The following APBB2 variants were observed in gnomAD, a reference collection of about 807,000 sequenced individuals.
APBB2 encodes Fe65-like 1.
APBB2 carries 38 observed loss-of-function variants against 82.5 expected under a neutral mutation model. That is an observed-to-expected ratio of 0.46 (90% CI 0.36 to 0.60). The LOEUF (loss-of-function observed/expected upper bound fraction) is 0.60. Ranked by LOEUF, APBB2 falls within the 20% of genes least tolerant of loss-of-function variation. The pLI is 0.00. For synonymous variants in APBB2, 341 were observed against 368.2 expected, an observed-to-expected ratio of 0.93 and a Z score of 0.85; for missense variants, 772 against 972.3, an observed-to-expected ratio of 0.79 and a Z score of 2.74.
intron 2 of APBB2, among the ~76,000 whole-genome samples, chr4:41,107,986 T>C (rs1274801770): frequency 2.0e-5 from 3 of 152,222 alleles, no homozygotes; most frequent in Non-Finnish European, 4.4e-5. Context: ...TCAAGTATTA[T>C]TTATATATCA....
chr4:40,914,197 T>C lies in APBB2; in HGVS notation c.1254+20259A>G, dbSNP rs932787096. On this transcript the variant is annotated intron_variant, in intron 10 of 17. Transcript: ENST00000508593. ...CATCCTGGCTAACACGGTGAAACCC[T>C]GTCTCTACTAAAAATACAAAAAAAA... is the stretch of plus-strand genomic sequence containing the variant. Among the ~76,000 whole-genome samples the C allele has an allele frequency of 8.5e-5, 13 of 152,070 alleles. 1 individual carries two copies. Among genetic ancestry groups the C allele is most frequent in the Admixed American group, 3.3e-4 (5 of 15,262 alleles).
At chr4:41,105,610 C>T (rs1240016842) in intron 2 of APBB2, among the ~76,000 whole-genome samples, 1 of 152,138 alleles carries the variant, frequency 6.6e-6, no homozygotes, top group Non-Finnish European at 1.5e-5. Context: ...ATTGGCCAGG[C>T]GCAGTGGCTC....
chr4:40,928,387 A>AC (rs1783181331), intron 10 of APBB2, among the ~76,000 whole-genome samples: 18 of 112,802 alleles, frequency 1.6e-4, no homozygotes, highest in Non-Finnish European at 1.4e-4. Context: ...TACTAAAGAA[A>AC]ACACACACAC....
intron 3 of APBB2, among the ~76,000 whole-genome samples, chr4:41,067,454 A>G (rs1171618329): frequency 1.3e-5 from 2 of 152,072 alleles, no homozygotes; most frequent in East Asian, 1.9e-4. Flanking sequence ...TGGAAGATTC[A>G]GGGGGAGATA....
At chr4:41,062,963 T>C (rs1438171932) in intron 4 of APBB2, among the ~76,000 whole-genome samples, 1 of 152,234 alleles carries the variant, frequency 6.6e-6, no homozygotes, top group Non-Finnish European at 1.5e-5. Flanking sequence ...CAATGTGTCA[T>C]TCTCTAAGAT....
chr4:41,110,155 CTGTA>C (rs1350066337), intron 2 of APBB2, among the ~76,000 whole-genome samples: 2 of 152,216 alleles, frequency 1.3e-5, no homozygotes, highest in Non-Finnish European at 2.9e-5. Flanking sequence ...TCCTTGGCCT[CTGTA>C]TGTTTCCACT....
At chr4:41,181,942 C>CAAAAAAAAAAAAAAA (rs35142945) in intron 1 of APBB2, among the ~76,000 whole-genome samples, 1 of 93,882 alleles carries the variant, frequency 1.1e-5, no homozygotes, top group African/African-American at 3.6e-5. Context: ...GAAACTGTCT[C>CAAAAAAAAAAAAAAA]AAAAAAAAAA....
chr4:40,818,762 A>G (rs533388038), intron 17 of APBB2, among the ~76,000 whole-genome samples: 1 of 152,198 alleles, frequency 6.6e-6, no homozygotes, highest in African/African-American at 2.4e-5. Context: ...GTGACACCAG[A>G]TAACAAGTGT....
intron 2 of APBB2, chr4:41,114,026 A>AT (rs559808390): frequency 4.0e-4 from 61 of 152,548 alleles, no homozygotes; most frequent in African/African-American, 1.3e-3. Flanking sequence ...ACGCAAATTC[A>AT]TGGAGCGTTC....
chr4:41,166,777 A>C (rs1766762751), intron 1 of APBB2, among the ~76,000 whole-genome samples: 2 of 151,940 alleles, frequency 1.3e-5, no homozygotes, highest in Non-Finnish European at 2.9e-5. Context: ...CATGCTTGTA[A>C]TCTCAGGTAC....
chr4:41,107,572 A>C (rs551869154), intron 2 of APBB2, among the ~76,000 whole-genome samples: 17 of 152,328 alleles, frequency 1.1e-4, no homozygotes, highest in Admixed American at 8.5e-4. Flanking sequence ...ACAGTCTCAG[A>C]ATATCACCCC....
At chr4:41,142,467 T>C (rs193040953) in intron 2 of APBB2, among the ~76,000 whole-genome samples, 190 of 152,264 alleles carry the variant, frequency 1.2e-3, no homozygotes, top group African/African-American at 4.3e-3. Context: ...GGCTTTTGTT[T>C]GGGGAAAGAT....
chr4:40,949,932 T>C (rs548945146), intron 6 of APBB2, among the ~76,000 whole-genome samples: 4 of 152,306 alleles, frequency 2.6e-5, no homozygotes, highest in East Asian at 1.9e-4. Flanking sequence ...GGGTGTGTCA[T>C]GTGCAACAGT....
chr4:40,917,962 G>T (rs572582797), intron 10 of APBB2, among the ~76,000 whole-genome samples: 6 of 152,326 alleles, frequency 3.9e-5, no homozygotes, highest in African/African-American at 1.4e-4. Context: ...GGTTTATTCT[G>T]TATCTAGGTT....
At chr4:40,908,522 CT>C (rs1777683854) in intron 10 of APBB2, among the ~76,000 whole-genome samples, 2 of 152,200 alleles carry the variant, frequency 1.3e-5, no homozygotes, top group Non-Finnish European at 2.9e-5. Context: ...CCTATAATGC[CT>C]CTCACCCCAT....
At chr4:40,984,157 C>T (rs994987279) in intron 6 of APBB2, among the ~76,000 whole-genome samples, 1 of 152,148 alleles carries the variant, frequency 6.6e-6, no homozygotes, top group African/African-American at 2.4e-5. Context: ...CATCAGTATA[C>T]ATACTGTACG....
chr4:40,934,703 G>C lies in APBB2; in HGVS notation c.1108-4C>G. 6.2e-7 allele frequency: 1 copy of C among 1,607,742 alleles called. No individual in the cohort carries two copies. The highest frequency in any genetic ancestry group is 8.5e-7 in the Non-Finnish European group (1 of 1,174,414). ...TAACAGTGGCTGCATGCAAATCCTA[G>C]AGGAAAATAGAACCTTGTTAATGTA... On this transcript the variant is annotated splice_polypyrimidine_tract_variant and splice_region_variant and intron_variant, in intron 8 of 17. Coordinates refer to ENST00000508593, the MANE Select transcript of APBB2 (RefSeq NM_004307.2).
chr4:41,134,090 C>A (rs1336606011), intron 2 of APBB2, among the ~76,000 whole-genome samples: 1 of 152,152 alleles, frequency 6.6e-6, no homozygotes, highest in Non-Finnish European at 1.5e-5. Flanking sequence ...CCCACCTCTG[C>A]CTCTTGAGTA....
chr4:40,933,911 C>T (rs1242837672), intron 10 of APBB2, among the ~76,000 whole-genome samples: 4 of 152,224 alleles, frequency 2.6e-5, no homozygotes, highest in Non-Finnish European at 5.9e-5. Flanking sequence ...TGGCCACATG[C>T]CCAGAAAGCT....
Sources: gnomAD v4.1 joint callset for allele counts (sites outside exome capture counted in the v4.1 genomes callset) on GRCh38, gnomAD v4.1.1 for gene constraint, MANE v1.5 for transcripts, NCBI Gene and HGNC (gene_info 2026-07-23, HGNC 2026-07-21) for gene names.